The following PROC variants were observed in gnomAD, a reference collection of about 807,000 sequenced individuals.
The protein encoded by PROC is vitamin K-dependent protein C.
PROC carries 22 observed loss-of-function variants against 36.3 expected under a neutral mutation model. The observed-to-expected ratio is 0.61, with a 90% CI of 0.43 to 0.86. PROC has a LOEUF of 0.86. PROC is among the 40% of genes least tolerant of loss of function. PROC has a pLI of 0.00. For missense variants in PROC, 526 were observed against 629.7 expected, an observed-to-expected ratio of 0.84 and a Z score of 1.76; for synonymous variants, 218 against 244.5, an observed-to-expected ratio of 0.89 and a Z score of 1.01.
chr2:127,422,944 G>T lies in PROC; in HGVS notation c.262+3G>T. On this transcript the variant is annotated splice_donor_region_variant and intron_variant, in intron 4 of 8. Transcript: ENST00000234071. ...GGCCTTCTGGTCCAAGCACGTCGGT[G>T]AGTGCGTTCTAGATCCCCGGCTGGA... 6.3e-7 allele frequency: 1 copy of T among 1,597,490 alleles called. No individual in the cohort carries two copies. The highest frequency in any genetic ancestry group is 2.3e-5 in the East Asian group (1 of 43,528).
intron 1 of PROC, among the ~76,000 whole-genome samples, chr2:127,419,180 C>T (rs543922123): frequency 2.0e-5 from 3 of 152,294 alleles, no homozygotes; most frequent in East Asian, 3.9e-4. Flanking sequence ...GTGCAATCAA[C>T]GGAGACCAGC....
At chr2:127,424,467 G>C (rs1287111375) in intron 6 of PROC, among the ~76,000 whole-genome samples, 1 of 152,140 alleles carries the variant, frequency 6.6e-6, no homozygotes, top group Non-Finnish European at 1.5e-5. Context: ...CTAAAGTGCT[G>C]GGATTACAGG....
Position 127,428,966 on chromosome 2 carries a change from G to A in PROC, c.*20G>A, listed in dbSNP as rs752071296. 5 of 1,612,830 alleles carry A rather than the reference G, an allele frequency of 3.1e-6. No individual in the cohort carries two copies. In the African/African-American group the frequency reaches 6.7e-5, roughly 22 times the overall value. On this transcript the variant is annotated 3_prime_UTR_variant, in exon 9 of 9. Transcript: ENST00000234071. ...CCTTAGCGACCCTCCCTGCAGGGCT[G>A]GGCTTTTGCATGGCAATGGATGGGA...
rs995589321 is a variant in PROC at position 127,418,818 on chromosome 2, G to T, written c.-22+326G>T. ...TCGGATTTGAACAAATCTCAGAAGT[G>T]GCCTCAGAGGGAGTCGGCAAGAATG... On this transcript the variant is annotated intron_variant, in intron 1 of 8. Coordinates refer to ENST00000234071, the MANE Select transcript of PROC (RefSeq NM_000312.4). This position sits in a 1 kb window ranked among gnomAD's most constrained non-coding sequence, Gnocchi z 4.8. Among the ~76,000 whole-genome samples, 1 of 152,190 alleles carries T rather than the reference G, an allele frequency of 6.6e-6. No individual in the cohort carries two copies. Among genetic ancestry groups the T allele is most frequent in the African/African-American group, 2.4e-5 (1 of 41,456 alleles).
In PROC at chr2:127,427,164, C is replaced by T. The variant is rs1688559943; in HGVS notation, c.738C>T (p.Ser246=). 1 of 1,613,672 alleles carries T rather than the reference C, an allele frequency of 6.2e-7. No homozygotes were observed. The highest frequency in any genetic ancestry group is 1.3e-5 in the African/African-American group (1 of 74,936). The part of the protein sequence containing the change: ...LACGAVLIHP[S]WVLTAAHCMD... Reference sequence around the variant, plus strand: ...GCGGGGCAGTGCTCATCCACCCCTCCTGGGTGCTGACAGCGGCCCACTGCA... The same window carrying T: ...GCGGGGCAGTGCTCATCCACCCCTCTTGGGTGCTGACAGCGGCCCACTGCA... The change falls in exon 8 of 9, where the codon TCC becomes TCT. Residue 246 remains serine (S), a synonymous_variant. Coordinates refer to ENST00000234071, the MANE Select transcript of PROC (RefSeq NM_000312.4).
At position 127,421,306 on chromosome 2, in the gene PROC, C is replaced by A; in HGVS notation, c.94C>A (p.Arg32Ser). The A allele has an allele frequency of 6.2e-7, 1 of 1,613,832 alleles. No individual in the cohort carries two copies. The highest frequency in any genetic ancestry group is 1.1e-5 in the South Asian group (1 of 91,074). ...PLDSVFSSSE[R>S]AHQVLRIRKR... is the part of the protein sequence containing the mutation. ...AGACTCAGTGTTCTCCAGCAGCGAG[C>A]GTGCCCACCAGGTGCTGCGGATCCG... Residue 32 changes from arginine (R) to serine (S), a missense_variant, in exon 3 of 9, where the codon CGT (arginine) becomes AGT (serine). By Grantham distance (110) the Arg-to-Ser change is moderately radical. Coordinates refer to ENST00000234071, the MANE Select transcript of PROC (RefSeq NM_000312.4).
At chr2:127,419,325 T>C (rs375785621) in intron 1 of PROC, among the ~76,000 whole-genome samples, 1 of 152,222 alleles carries the variant, frequency 6.6e-6, no homozygotes, top group African/African-American at 2.4e-5. Context: ...ATCTCATGTT[T>C]ACTGAGCATG....
At chr2:127,425,299 G>A (rs907488039) in intron 6 of PROC, among the ~76,000 whole-genome samples, 1 of 152,210 alleles carries the variant, frequency 6.6e-6, no homozygotes, top group African/African-American at 2.4e-5. Flanking sequence ...AATTGTTGCT[G>A]TTGTGCCCTT....
In PROC at chr2:127,419,818, C is replaced by T. The variant is rs148979279; in HGVS notation, c.-21-104C>T. The T allele has an allele frequency of 2.5e-4, 391 of 1,585,794 alleles. 1 individual carries two copies. In the Middle Eastern group the frequency reaches 5.5e-3, roughly 22 times the overall value. The stretch of plus-strand genomic sequence containing the variant: ...CCCTCAATCCCAGCTTCCGCCCTGA[C>T]GGCCAGCACACAGGGACAGCCCTTT... On this transcript the variant is annotated intron_variant, in intron 1 of 8. Transcript: ENST00000234071.
chr2:127,422,818 T>TC, intron 3 of PROC, 99 bp from the exon 4 acceptor site: 24 of 1,480,988 alleles, frequency 1.6e-5, no homozygotes, highest in Non-Finnish European at 2.2e-5. Flanking sequence ...CTGGAAGCCC[T>TC]CCCCTCCCCT....
intron 8 of PROC, 21 bp downstream of exon 8, chr2:127,427,243 G>A: frequency 6.2e-7 from 1 of 1,603,040 alleles, no homozygotes; most frequent in Non-Finnish European, 8.5e-7. Context: ...GAGCCAGGCA[G>A]AAGGGGGCTG....
intron 4 of PROC, 29 bp downstream of exon 4, chr2:127,422,970 C>T (rs752327333): frequency 1.2e-6 from 2 of 1,610,692 alleles, no homozygotes; most frequent in Non-Finnish European, 1.7e-6. Context: ...CCCGGCTGGA[C>T]TACCGGCGCC....
At chr2:127,422,421 C>G (rs1446884465) in intron 3 of PROC, among the ~76,000 whole-genome samples, 2 of 152,250 alleles carry the variant, frequency 1.3e-5, no homozygotes, top group Admixed American at 1.3e-4. Context: ...CTGGGTGGTC[C>G]TGGACCAGCA....
chr2:127,425,199 C>T (rs1422042219), intron 6 of PROC, among the ~76,000 whole-genome samples: 1 of 152,256 alleles, frequency 6.6e-6, no homozygotes, highest in Non-Finnish European at 1.5e-5. Flanking sequence ...AGTCCTTCAG[C>T]TTCTGGGCGC....
Position 127,420,030 on chromosome 2 carries a change from C to T in PROC, c.70+18C>T. The T allele has an allele frequency of 2.5e-6, 4 of 1,612,528 alleles. No homozygotes were observed. The highest frequency in any genetic ancestry group is 3.4e-6 in the Non-Finnish European group (4 of 1,179,716). The stretch of plus-strand genomic sequence containing the variant: ...TCCTCTTGGTAAGGCCACCCCACCC[C>T]TACCCCGGGACCCTTGTGGCCTCTA... On this transcript the variant is annotated intron_variant, in intron 2 of 8. Coordinates refer to ENST00000234071, the MANE Select transcript of PROC (RefSeq NM_000312.4).
Position 127,428,685 on chromosome 2 carries a change from G to C in PROC, c.1125G>C (p.Glu375Asp). 6.2e-7 allele frequency: 1 copy of C among 1,613,950 alleles called. No individual in the cohort carries two copies. Among genetic ancestry groups the C allele is most frequent in the East Asian group, 2.2e-5 (1 of 44,884 alleles). ...IPVVPHNECS[E>D]VMSNMVSENM... ...TGGTCCCGCACAATGAGTGCAGCGAGGTCATGAGCAACATGGTGTCTGAGA... is the reference window on the plus strand; with the variant it reads ...TGGTCCCGCACAATGAGTGCAGCGACGTCATGAGCAACATGGTGTCTGAGA... The change falls in exon 9 of 9, where the codon GAG becomes GAC. Residue 375 changes from glutamate to aspartate, a missense_variant. Physicochemically the swap from Glu to Asp is conservative, Grantham distance 45. Coordinates refer to ENST00000234071, the MANE Select transcript of PROC (RefSeq NM_000312.4).
At chr2:127,419,347 A>G (rs966402555) in intron 1 of PROC, among the ~76,000 whole-genome samples, 7 of 152,154 alleles carry the variant, frequency 4.6e-5, no homozygotes, top group African/African-American at 1.7e-4. Context: ...GCTATGTGCA[A>G]AGCCTGTTTT....
chr2:127,423,008 A>AC lies in PROC; in HGVS notation c.263-21dup, dbSNP rs1465595784. ...CGCCCCTCGGGATCTCTGGCCGCTG[A>AC]CCCCCTACCCCGCCTTGTGTCGCAG... On this transcript the variant is annotated intron_variant, in intron 4 of 8. Coordinates refer to ENST00000234071, the MANE Select transcript of PROC (RefSeq NM_000312.4). 3.1e-6 allele frequency: 5 copies of AC among 1,612,124 alleles called. No individual in the cohort carries two copies. In the South Asian group the frequency reaches 5.5e-5, roughly 18 times the overall value.
At chr2:127,424,164 TCTTTGA>T (rs1211713621) in intron 6 of PROC, among the ~76,000 whole-genome samples, 1 of 152,140 alleles carries the variant, frequency 6.6e-6, no homozygotes, top group Non-Finnish European at 1.5e-5. Flanking sequence ...ATTTCCCATC[TCTTTGA>T]CTTTGTGTTT....
Sources: allele counts gnomAD v4.1 joint callset (sites outside exome capture counted in the v4.1 genomes callset), GRCh38; gene constraint gnomAD v4.1.1; non-coding constraint Gnocchi (gnomAD v3.1); transcripts MANE v1.5; gene names NCBI Gene and HGNC (gene_info 2026-07-23, HGNC 2026-07-21).